PAM: variants seen among roughly 807,000 people sequenced by gnomAD.
PAM encodes peptidylglycine alpha-amidating monooxygenase.
PAM carries 72 observed loss-of-function variants against 122.1 expected under a neutral mutation model. The ratio of observed to expected loss-of-function variants is 0.59; its 90% CI spans 0.49 to 0.72. The LOEUF (loss-of-function observed/expected upper bound fraction) is 0.72. Ranked by LOEUF, PAM falls within the 30% of genes least tolerant of loss-of-function variation. PAM has a pLI of 0.00. For synonymous variants in PAM, 389 were observed against 404.4 expected (o/e 0.96, Z 0.46); for missense variants, 1,106 against 1,183.7 (o/e 0.93, Z 0.96).
At chr5:102,986,432 A>G (rs1771850433) in intron 15 of PAM, among the ~76,000 whole-genome samples, 1 of 152,188 alleles carries the variant, frequency 6.6e-6, no homozygotes, top group Non-Finnish European at 1.5e-5. Flanking sequence ...TAGCATTTTT[A>G]TACACCAATA....
At chr5:102,879,367 A>G (rs1790247305) in intron 3 of PAM, among the ~76,000 whole-genome samples, 1 of 152,156 alleles carries the variant, frequency 6.6e-6, no homozygotes, top group African/African-American at 2.4e-5. Flanking sequence ...TTCAAGCTGC[A>G]TTCATAGTAA....
intron 15 of PAM, among the ~76,000 whole-genome samples, chr5:102,983,062 C>T (rs1473101061): frequency 6.6e-6 from 1 of 151,786 alleles, no homozygotes; most frequent in Non-Finnish European, 1.5e-5. Flanking sequence ...AGAATTTAAT[C>T]AAATGAAATA....
intron 7 of PAM, among the ~76,000 whole-genome samples, chr5:102,945,151 T>G (rs1431742004): frequency 3.3e-5 from 5 of 152,132 alleles, no homozygotes; most frequent in Non-Finnish European, 7.4e-5. Flanking sequence ...TTATCTCAGT[T>G]GTAGACTACT....
chr5:102,976,877 C>T (rs1477216512), intron 15 of PAM, among the ~76,000 whole-genome samples: 1 of 152,128 alleles, frequency 6.6e-6, no homozygotes, highest in Non-Finnish European at 1.5e-5. Flanking sequence ...CATTTCAATA[C>T]AGTTGTGCTC....
rs762738811 is a variant in PAM at position 102,901,447 on chromosome 5, T to C, written c.268+34T>C. 14 of 1,167,390 alleles carry C rather than the reference T, an allele frequency of 1.2e-5. No homozygotes were observed. The South Asian group carries it at 1.7e-4, about 14-fold the overall frequency. The allele number at this position is 1,167,390 out of a possible 1,614,324, so 72.3% of individuals were successfully genotyped here. ...TAATTGGATTGGGGGAGTAGCAGTT[T>C]AATGGAGGGCAGTGATTTGAAATCA... On this transcript the variant is annotated intron_variant, in intron 4 of 25. Coordinates refer to ENST00000438793, the MANE Select transcript of PAM (RefSeq NM_001177306.2).
At chr5:102,993,548 G>C (rs1039092647) in intron 16 of PAM, among the ~76,000 whole-genome samples, 4 of 152,074 alleles carry the variant, frequency 2.6e-5, no homozygotes, top group Non-Finnish European at 4.4e-5. Context: ...AGTTGGAAGG[G>C]ATCTTGGAAT....
At chr5:102,846,196 C>A (rs1177487683) in intron 1 of PAM, among the ~76,000 whole-genome samples, 1 of 152,170 alleles carries the variant, frequency 6.6e-6, no homozygotes, top group Non-Finnish European at 1.5e-5. Flanking sequence ...TCACTGGTCA[C>A]CTGCCTCCAG....
chr5:102,946,851 T>C lies in PAM; in HGVS notation c.541T>C (p.Cys181Arg), dbSNP rs762918878. ...TGTGTTTTCAGATAATAACAAGGAC[T>C]GTTCTGGTGTGTCCTTACACCTCAC... Reference protein sequence around the residue: ...ISAFRDNNKDCSGVSLHLTRL... With the variant: ...ISAFRDNNKDRSGVSLHLTRL... Residue 181 changes from cysteine to arginine, a missense_variant, in exon 8 of 26, where the codon TGT becomes CGT. This residue lies in a region of PAM where 670 missense variants were observed against 690.3 expected (regional missense o/e 0.97). Coordinates refer to ENST00000438793, the MANE Select transcript of PAM (RefSeq NM_001177306.2). The C allele has an allele frequency of 1.3e-6, 2 of 1,598,180 alleles. No homozygotes were observed. The highest frequency in any genetic ancestry group is 1.7e-6 in the Non-Finnish European group (2 of 1,166,434).
At chr5:102,907,648 T>C (rs1452472820) in intron 4 of PAM, among the ~76,000 whole-genome samples, 1 of 151,144 alleles carries the variant, frequency 6.6e-6, no homozygotes, top group Non-Finnish European at 1.5e-5. Context: ...TTCCTGACTT[T>C]TTAATGATTG....
rs529523303 is a variant in PAM at position 103,024,497 on chromosome 5, GT to G, written c.2486-632del. Among the ~76,000 whole-genome samples the G allele has an allele frequency of 5.1e-3, 771 of 152,196 alleles. 6 individuals are homozygous for G. Among genetic ancestry groups the G allele is most frequent in the African/African-American group, 0.018 (732 of 41,536 alleles). On this transcript the variant is annotated intron_variant, in intron 23 of 25. Transcript: ENST00000438793. ...TATAAAAGAGCCTGAAAAGCACATA[GT>G]TCCTTTTTTCTTTTGTAATCCTAGC...
intron 23 of PAM, among the ~76,000 whole-genome samples, chr5:103,024,663 A>G (rs1293955580): frequency 6.6e-6 from 1 of 152,140 alleles, no homozygotes; most frequent in Non-Finnish European, 1.5e-5. Flanking sequence ...AGTTTTATGA[A>G]GGAGGTCCTA....
intron 14 of PAM, among the ~76,000 whole-genome samples, chr5:102,968,820 C>T (rs747214727): frequency 2.0e-5 from 3 of 152,042 alleles, no homozygotes; most frequent in Admixed American, 2.0e-4. Context: ...TTCCCAATAG[C>T]GAAGACTTGG....
intron 16 of PAM, among the ~76,000 whole-genome samples, chr5:102,999,675 A>C (rs1776789380): frequency 6.6e-6 from 1 of 152,184 alleles, no homozygotes; most frequent in African/African-American, 2.4e-5. Context: ...TCAGTTCTTG[A>C]CTTCTGTGCA....
intron 12 of PAM, among the ~76,000 whole-genome samples, chr5:102,953,835 G>A (rs754061385): frequency 1.2e-3 from 186 of 152,252 alleles, no homozygotes; most frequent in Admixed American, 9.2e-4. Flanking sequence ...CCAACATGGT[G>A]AAACCCCATC....
chr5:102,760,779 A>G (rs562122824), intron 1 of PAM, among the ~76,000 whole-genome samples: 43 of 152,224 alleles, frequency 2.8e-4, no homozygotes, highest in Admixed American at 8.5e-4. Flanking sequence ...CCTTTAATAC[A>G]AAGAAAATAT....
intron 3 of PAM, among the ~76,000 whole-genome samples, chr5:102,882,052 AATATATATATAT>A (rs61367764): frequency 0.01 from 618 of 61,698 alleles, 13 homozygotes; most frequent in Middle Eastern, 0.016. Context: ...TCCATCGTGG[AATATATATATAT>A]ATATATATAT....
At chr5:102,848,030 G>A (rs1043266335) in intron 1 of PAM, among the ~76,000 whole-genome samples, 1 of 152,178 alleles carries the variant, frequency 6.6e-6, no homozygotes, top group Non-Finnish European at 1.5e-5. Flanking sequence ...TTCATGCTGG[G>A]ATTTGCAGAA....
chr5:102,814,257 C>T (rs891163121), intron 1 of PAM, among the ~76,000 whole-genome samples: 4 of 152,062 alleles, frequency 2.6e-5, no homozygotes, highest in Admixed American at 6.6e-5. Flanking sequence ...TCAAAACTTC[C>T]CAAGAGTCTC....
At chr5:102,856,969 A>T (rs750662585) in intron 1 of PAM, among the ~76,000 whole-genome samples, 1 of 152,148 alleles carries the variant, frequency 6.6e-6, no homozygotes, top group South Asian at 2.1e-4. Flanking sequence ...ACAACAACAA[A>T]AAACAGCAAC....
Sources: gnomAD v4.1 joint callset for allele counts (sites outside exome capture counted in the v4.1 genomes callset) on GRCh38, gnomAD v4.1.1 for gene constraint, gnomAD v4.1.1 regional missense constraint, MANE v1.5 for transcripts, NCBI Gene and HGNC (gene_info 2026-07-23, HGNC 2026-07-21) for gene names.